Variants in DST observed in about 807,000 individuals in gnomAD.
DST encodes bullous pemphigoid antigen.
A neutral mutation model predicts 875.2 loss-of-function variants in DST; 253 were observed. That is an observed-to-expected ratio of 0.29 (90% CI 0.26 to 0.32). The LOEUF (loss-of-function observed/expected upper bound fraction) is 0.32. Among genes scored for constraint, DST ranks in the 10% least tolerant of loss-of-function variants. The pLI, the probability that DST is intolerant of heterozygous loss-of-function variation, is 1.00. For synonymous variants in DST, 3,124 were observed against 3,197.1 expected, an observed-to-expected ratio of 0.98 and a Z score of 0.77; for missense variants, 8,287 against 9,111.6, an observed-to-expected ratio of 0.91 and a Z score of 3.68.
Position 56,604,130 on chromosome 6 carries a change from C to T in DST, c.10498G>A (p.Gly3500Arg), listed in dbSNP as rs2098472533. 2 of 1,580,930 alleles carry T rather than the reference C, an allele frequency of 1.3e-6. No homozygotes were observed. The highest frequency in any genetic ancestry group is 4.5e-5 in the East Asian group (2 of 43,996). ...ENIFYKLLAD[G>R]YSEKIEHVGD... is the part of the protein sequence containing the mutation. ...ACATGTTCTATTTTCTCTGAATATC[C>T]ATCAGCAAGCAGTTTGTAGAAAATA... Residue 3500 changes from glycine (G) to arginine (R), a missense_variant, in exon 40 of 104, where the codon GGA becomes AGA. This residue lies in a region of DST where 3,138 missense variants were observed against 3,116.6 expected (regional missense o/e 1.01). Coordinates refer to ENST00000680361, the MANE Select transcript of DST (RefSeq NM_001374736.1).
At chr6:56,830,218 CATTG>C (rs1226730275) in intron 4 of DST, among the ~76,000 whole-genome samples, 1 of 152,092 alleles carries the variant, frequency 6.6e-6, no homozygotes, top group Non-Finnish European at 1.5e-5. Flanking sequence ...GTTTACCACA[CATTG>C]TGCATTGTCA....
rs1400818747 is a variant in DST at position 56,626,583 on chromosome 6, C to T, written c.4722+621G>A. Among the ~76,000 whole-genome samples the T allele has an allele frequency of 6.6e-5, 10 of 152,084 alleles. No individual in the cohort carries two copies. The East Asian group carries it at 9.6e-4, about 15-fold the overall frequency. ...GCACAATGAAAAAATCACCTAACAA[C>T]GCATTTCTCGGAATATATCCCCTTT... On this transcript the variant is annotated intron_variant, in intron 34 of 103. Coordinates refer to ENST00000680361, the MANE Select transcript of DST (RefSeq NM_001374736.1).
chr6:56,735,180 C>G lies in DST; in HGVS notation c.687+48G>C, dbSNP rs189886067. ...ATATAATCAATTACTGCAAAATAAA[C>G]TGAAATATTCCAAACAATTCCAGGA... On this transcript the variant is annotated intron_variant, in intron 5 of 103. Transcript: ENST00000680361. 79 of 1,286,844 alleles carry G rather than the reference C, an allele frequency of 6.1e-5. No homozygotes were observed. In the Admixed American group the frequency reaches 1.4e-3, roughly 23 times the overall value. The allele number at this position is 1,286,844 out of a possible 1,614,324, so 79.7% of individuals were successfully genotyped here.
At chr6:56,500,547 G>C (rs1000245186) in intron 80 of DST, among the ~76,000 whole-genome samples, 4 of 152,074 alleles carry the variant, frequency 2.6e-5, no homozygotes, top group African/African-American at 9.7e-5. Context: ...TCAAAGACAA[G>C]AGTGACATGG....
At chr6:56,592,038 G>T in intron 49 of DST, 144 bp downstream of exon 49, 2 of 590,292 alleles carry the variant, frequency 3.4e-6, no homozygotes, top group Admixed American at 3.5e-5. Context: ...TGGAGAAATA[G>T]AGTCAAAACT....
intron 3 of DST, among the ~76,000 whole-genome samples, chr6:56,877,543 G>A (rs1479091714): frequency 6.6e-6 from 1 of 152,200 alleles, no homozygotes; most frequent in Non-Finnish European, 1.5e-5. Flanking sequence ...GTGACAGAGT[G>A]AGACTCCATC....
At chr6:56,910,830 T>A (rs1798551788) in intron 2 of DST, among the ~76,000 whole-genome samples, 1 of 152,222 alleles carries the variant, frequency 6.6e-6, no homozygotes, top group South Asian at 2.1e-4. Flanking sequence ...TAATACAGTG[T>A]TTATTTCATA....
intron 3 of DST, among the ~76,000 whole-genome samples, chr6:56,860,491 G>A (rs904972967): frequency 6.6e-6 from 1 of 152,086 alleles, no homozygotes; most frequent in Admixed American, 6.6e-5. Context: ...AAATACCCTG[G>A]TTAACATTTC....
At position 56,482,895 on chromosome 6, in the gene DST, T is replaced by G. The variant is rs769947829; in HGVS notation, c.21208-18A>C. On this transcript the variant is annotated intron_variant, in intron 88 of 103. Coordinates refer to ENST00000680361, the MANE Select transcript of DST (RefSeq NM_001374736.1). ...TGGAAGGCCTAAGAAGACCATATTT[T>G]GAAAAATTAATTTTAATTACAAAAC... 1 of 1,465,806 alleles carries G rather than the reference T, an allele frequency of 6.8e-7. No homozygotes were observed. The highest frequency in any genetic ancestry group is 9.0e-7 in the Non-Finnish European group (1 of 1,104,984). 90.8% of individuals were successfully genotyped at this position (1,465,806 alleles called of 1,614,324 possible).
chr6:56,758,976 C>A (rs1020844504), intron 4 of DST, among the ~76,000 whole-genome samples: 1 of 152,084 alleles, frequency 6.6e-6, no homozygotes, highest in Admixed American at 6.6e-5. Context: ...ACCCATACAG[C>A]GCCTGACCCT....
rs771912323 is a variant in DST at position 56,954,513 on chromosome 6, C to A, written c.75G>T (p.Leu25=). ...IQCALFLLLL[L]LGTIATIVFF... ...AGACGATGGTGGCGATGGTGCCCAG[C>A]AGAAGCAACAAGAGGAAGAGGGCAC... The change falls in exon 1 of 104, where the codon CTG becomes CTT. Residue 25 remains leucine (L), a synonymous_variant. Coordinates refer to ENST00000680361, the MANE Select transcript of DST (RefSeq NM_001374736.1). 1.5e-6 allele frequency: 2 copies of A among 1,367,496 alleles called. No individual in the cohort carries two copies. The highest frequency in any genetic ancestry group is 2.3e-5 in the South Asian group (2 of 88,022). 84.7% of individuals were successfully genotyped at this position (1,367,496 alleles called of 1,614,324 possible).
At chr6:56,471,329 A>G (rs2094880955) in intron 94 of DST, 61 bp from the exon 95 acceptor site, 3 of 1,251,834 alleles carry the variant, frequency 2.4e-6, no homozygotes, top group South Asian at 3.0e-5. Flanking sequence ...AGACTATACT[A>G]TATGAATAAC....
intron 2 of DST, among the ~76,000 whole-genome samples, chr6:56,951,242 T>C (rs1353691181): frequency 2.0e-5 from 3 of 152,136 alleles, no homozygotes; most frequent in Non-Finnish European, 4.4e-5. Context: ...TCAAAGTGAG[T>C]CAGCAGATCC....
At chr6:56,937,453 C>T (rs868453289) in intron 2 of DST, among the ~76,000 whole-genome samples, 2 of 151,982 alleles carry the variant, frequency 1.3e-5, no homozygotes, top group South Asian at 4.2e-4. Context: ...CAAATCAAAC[C>T]TCGGAGCTAT....
intron 61 of DST, chr6:56,542,864 T>G (rs1022703908): frequency 2.6e-5 from 4 of 152,314 alleles, no homozygotes; most frequent in African/African-American, 9.6e-5. Context: ...ACCACTTCGG[T>G]GCTACGCCCT....
At chr6:56,526,715 A>G (rs1250940062) in intron 68 of DST, 148 bp from the exon 69 acceptor site, 1 of 649,480 alleles carries the variant, frequency 1.5e-6, no homozygotes, top group African/African-American at 1.8e-5. Flanking sequence ...AGTTAAATAA[A>G]CCTTTTTTAT....
At chr6:56,761,558 T>C (rs1357035526) in intron 4 of DST, among the ~76,000 whole-genome samples, 3 of 152,184 alleles carry the variant, frequency 2.0e-5, no homozygotes, top group Non-Finnish European at 4.4e-5. Flanking sequence ...ACTACACAAG[T>C]TAAACAGCAT....
intron 4 of DST, among the ~76,000 whole-genome samples, chr6:56,827,595 A>G (rs2153056369): frequency 6.6e-6 from 1 of 152,062 alleles, no homozygotes; most frequent in South Asian, 2.1e-4. Flanking sequence ...AATCTAGAAT[A>G]AAAATTGAAT....
rs377586570 is a variant in DST at position 56,463,664 on chromosome 6, C to A, written c.22860G>T (p.Arg7620=). Residue 7620 remains arginine, a synonymous_variant, in exon 101 of 104, where the codon CGG becomes CGT. Transcript: ENST00000680361. ...TGGGTGAAGCGCCTCGTGATGATGG[C>A]CGGGATCTTCGGCCTCGGGGTCGGA... ...AAFRPRGRRS[R]PSSRGASPNR... 4 of 1,613,956 alleles carry A rather than the reference C, an allele frequency of 2.5e-6. No individual in the cohort carries two copies. Among genetic ancestry groups the A allele is most frequent in the Non-Finnish European group, 3.4e-6 (4 of 1,179,886 alleles).
Sources: allele counts gnomAD v4.1 joint callset (sites outside exome capture counted in the v4.1 genomes callset), GRCh38; gene constraint gnomAD v4.1.1; regional missense constraint gnomAD v4.1.1; transcripts MANE v1.5; gene names NCBI Gene and HGNC (gene_info 2026-07-23, HGNC 2026-07-21).